DPP10: variants seen among roughly 807,000 people sequenced by gnomAD.
DPP10 encodes the protein dipeptidyl peptidase like 10, also known as inactive dipeptidyl peptidase 10.
DPP10 carries 33 observed loss-of-function variants against 120.9 expected under a neutral mutation model. That is an observed-to-expected ratio of 0.27 (90% CI 0.21 to 0.37). The LOEUF (loss-of-function observed/expected upper bound fraction) is 0.37. Among genes scored for constraint, DPP10 ranks in the 10% least tolerant of loss-of-function variants. DPP10 has a pLI of 1.00. For missense variants in DPP10, 816 were observed against 942.8 expected (o/e 0.87, Z 1.76); for synonymous variants, 337 against 326.1 (o/e 1.03, Z -0.36).
intron 1 of DPP10, among the ~76,000 whole-genome samples, chr2:115,286,222 A>T (rs2105899283): frequency 6.6e-6 from 1 of 151,656 alleles, no homozygotes; most frequent in African/African-American, 2.4e-5. Context: ...TTTTAATAAC[A>T]TTTGGAGATA....
At chr2:115,682,296 G>A (rs114684194) in intron 5 of DPP10, among the ~76,000 whole-genome samples, 1,665 of 151,994 alleles carry the variant, frequency 0.011, 37 homozygotes, top group African/African-American at 0.039. Context: ...TTGCTTATTT[G>A]TGTTAATTAA....
intron 4 of DPP10, among the ~76,000 whole-genome samples, chr2:115,505,857 G>T (rs2076911838): frequency 6.6e-6 from 1 of 151,978 alleles, no homozygotes; most frequent in Non-Finnish European, 1.5e-5. Flanking sequence ...CAAAAAGATG[G>T]GTATGGGAGC....
At chr2:114,690,385 A>T (rs915328477) in intron 1 of DPP10, among the ~76,000 whole-genome samples, 2 of 151,896 alleles carry the variant, frequency 1.3e-5, no homozygotes, top group Non-Finnish European at 2.9e-5. Context: ...CAAATATCAG[A>T]TGGGTGTAGG....
At chr2:115,782,891 G>A (rs778746710) in intron 17 of DPP10, among the ~76,000 whole-genome samples, 2 of 151,942 alleles carry the variant, frequency 1.3e-5, no homozygotes, top group Non-Finnish European at 2.9e-5. Context: ...ATATTTGTTA[G>A]GTTTGTTAAG....
At chr2:115,384,164 CAAAG>C (rs769332002) in intron 3 of DPP10, among the ~76,000 whole-genome samples, 3 of 152,072 alleles carry the variant, frequency 2.0e-5, no homozygotes, top group Non-Finnish European at 4.4e-5. Flanking sequence ...CTTTCTCCCT[CAAAG>C]AAAGTCATAG....
chr2:115,551,905 A>T (rs368368102), intron 5 of DPP10, among the ~76,000 whole-genome samples: 4 of 152,158 alleles, frequency 2.6e-5, no homozygotes, highest in African/African-American at 9.7e-5. Flanking sequence ...ATTTCAAATT[A>T]TATCTATTAA....
At chr2:114,793,757 G>A (rs943553528) in intron 1 of DPP10, among the ~76,000 whole-genome samples, 6 of 152,118 alleles carry the variant, frequency 3.9e-5, no homozygotes, top group African/African-American at 1.2e-4. Context: ...TGATGCATGC[G>A]GAGACTTCCT....
At chr2:114,662,029 G>T (rs370260583) in intron 1 of DPP10, among the ~76,000 whole-genome samples, 9 of 151,652 alleles carry the variant, frequency 5.9e-5, no homozygotes, top group East Asian at 1.9e-4. Context: ...AACAACCCGG[G>T]CTCTCCAGGC....
chr2:115,667,202 T>C (rs569395244), intron 5 of DPP10, among the ~76,000 whole-genome samples: 1 of 152,300 alleles, frequency 6.6e-6, no homozygotes, highest in South Asian at 2.1e-4. Context: ...ATATGGTTAT[T>C]TGTTTTTACT....
intron 1 of DPP10, among the ~76,000 whole-genome samples, chr2:114,567,193 T>G (rs778411891): frequency 6.6e-6 from 1 of 152,150 alleles, no homozygotes; most frequent in Admixed American, 6.5e-5. Context: ...ATGAGGCAGG[T>G]ACAATTTTTT....
At chr2:115,409,022 T>G (rs893290514) in intron 3 of DPP10, among the ~76,000 whole-genome samples, 7 of 151,926 alleles carry the variant, frequency 4.6e-5, no homozygotes, top group African/African-American at 1.7e-4. Flanking sequence ...TTGTCCATTT[T>G]TAAAGATAAA....
intron 1 of DPP10, among the ~76,000 whole-genome samples, chr2:114,660,158 A>T (rs1213766203): frequency 6.6e-6 from 1 of 152,224 alleles, no homozygotes; most frequent in Non-Finnish European, 1.5e-5. Context: ...GGAGCCAAGA[A>T]ACAGGGAAGG....
intron 1 of DPP10, among the ~76,000 whole-genome samples, chr2:114,977,454 T>C (rs12711812): frequency 0.25 from 38,046 of 152,104 alleles, 4,976 homozygotes; most frequent in Admixed American, 0.31. Flanking sequence ...TACTTTTTTA[T>C]ACCTGAAGTC....
At chr2:114,555,882 T>C (rs1309757259) in intron 1 of DPP10, among the ~76,000 whole-genome samples, 1 of 151,898 alleles carries the variant, frequency 6.6e-6, no homozygotes, top group African/African-American at 2.4e-5. Flanking sequence ...AAGAAGAACA[T>C]AGTATCCTCA....
At chr2:114,833,644 C>G (rs1687341691) in intron 1 of DPP10, 1 of 152,138 alleles carries the variant, frequency 6.6e-6, no homozygotes, top group South Asian at 2.1e-4. Flanking sequence ...AAGTCTGCCT[C>G]TTAATACTGC....
At chr2:115,769,217 T>C (rs1418085236) in intron 13 of DPP10, among the ~76,000 whole-genome samples, 1 of 152,060 alleles carries the variant, frequency 6.6e-6, no homozygotes, top group Non-Finnish European at 1.5e-5. Context: ...GTGGCTAAAC[T>C]GGGATCTTCA....
intron 1 of DPP10, among the ~76,000 whole-genome samples, chr2:115,109,586 C>T (rs7582562): frequency 0.21 from 31,250 of 151,730 alleles, 3,951 homozygotes; most frequent in East Asian, 0.36. Context: ...CTGATGGTGA[C>T]GTACAAAGAA....
intron 1 of DPP10, among the ~76,000 whole-genome samples, chr2:114,493,648 T>C (rs1258937915): frequency 2.6e-5 from 4 of 151,222 alleles, no homozygotes; most frequent in Non-Finnish European, 5.9e-5. Flanking sequence ...GGAGGATTCA[T>C]TACCATAAAA....
intron 19 of DPP10, among the ~76,000 whole-genome samples, chr2:115,800,575 C>A (rs562788653): frequency 0.015 from 2,299 of 151,352 alleles, 63 homozygotes; most frequent in African/African-American, 0.052. Context: ...TTAGGTCTAA[C>A]GTTTAAGTCT....
Sources: allele counts gnomAD v4.1 joint callset (sites outside exome capture counted in the v4.1 genomes callset), GRCh38; gene constraint gnomAD v4.1.1; transcripts MANE v1.5; gene names NCBI Gene and HGNC (gene_info 2026-07-23, HGNC 2026-07-21).